Variants in GCNT2 observed in about 807,000 individuals in gnomAD.
GCNT2 encodes glucosaminyl (N-acetyl) transferase 2 (I blood group), also known as N-acetyllactosaminide beta-1,6-N-acetylglucosaminyl-transferase.
Under a neutral mutation model 34.2 loss-of-function variants are expected in GCNT2, and 34 were observed. The ratio of observed to expected loss-of-function variants is 1.00; its 90% CI spans 0.76 to 1.32. GCNT2 has a LOEUF of 1.32. Among genes scored for constraint, GCNT2 ranks in the 40% most tolerant of loss-of-function variants. The pLI is 0.00. For synonymous variants in GCNT2, 212 were observed against 188.0 expected (o/e 1.13, Z -1.04); for missense variants, 584 against 489.4 (o/e 1.19, Z -1.82).
intron 3 of GCNT2, among the ~76,000 whole-genome samples, chr6:10,552,935 C>A (rs887659453): frequency 1.3e-5 from 2 of 152,176 alleles, no homozygotes; most frequent in African/African-American, 4.8e-5. Flanking sequence ...CAGTTTCACC[C>A]CATTTACCTA....
Position 10,628,981 on chromosome 6 carries a change from C to T in GCNT2, c.*2374C>T, listed in dbSNP as rs1218796072. The T allele has an allele frequency of 6.6e-6, 1 of 152,610 alleles. No individual in the cohort carries two copies. Among genetic ancestry groups the T allele is most frequent in the African/African-American group, 2.4e-5 (1 of 41,470 alleles). The allele number at this position is 152,610 out of a possible 1,614,324, so 9.5% of individuals were successfully genotyped here. On this transcript the variant is annotated 3_prime_UTR_variant, in exon 5 of 5. Transcript: ENST00000495262. Reference sequence around the variant, plus strand: ...AGGTTACAGTGAGCTGAGAGTGCCCCACTGCACTCCAGCCTGGGTGACAGA... The same window carrying T: ...AGGTTACAGTGAGCTGAGAGTGCCCTACTGCACTCCAGCCTGGGTGACAGA...
Position 10,604,872 on chromosome 6 carries a change from AG to A in GCNT2, c.926-16478del, listed in dbSNP as rs757989191. Among the ~76,000 whole-genome samples the A allele has an allele frequency of 2.1e-4, 23 of 111,930 alleles. No homozygotes were observed. In the East Asian group the frequency reaches 3.8e-3, roughly 18 times the overall value. The allele number at this position is 111,930 out of a possible 152,430, so 73.4% of individuals were successfully genotyped here. ...AGACCTTGTCTCAAAAAAAAGAAAA[AG>A]AAAAAGAAAGAAAAATGTATTATCT... On this transcript the variant is annotated intron_variant, in intron 3 of 4. Coordinates refer to ENST00000495262, the MANE Select transcript of GCNT2 (RefSeq NM_145649.5).
At chr6:10,596,904 A>T (rs944050619) in intron 3 of GCNT2, among the ~76,000 whole-genome samples, 2 of 152,202 alleles carry the variant, frequency 1.3e-5, no homozygotes, top group African/African-American at 4.8e-5. Context: ...TTAATTTGAG[A>T]TGCCTCAGTT....
intron 3 of GCNT2, among the ~76,000 whole-genome samples, chr6:10,538,427 AAAAAAAAAAAAT>A (rs1761874247): frequency 7.7e-6 from 1 of 129,598 alleles, no homozygotes; most frequent in African/African-American, 3.9e-5. Flanking sequence ...AAAAAAAAAA[AAAAAAAAAAAAT>A]ATATATATAT....
chr6:10,576,610 A>AG (rs1763825450), intron 3 of GCNT2, among the ~76,000 whole-genome samples: 1 of 151,966 alleles, frequency 6.6e-6, no homozygotes, highest in Admixed American at 6.6e-5. Context: ...ACTTAGGGGG[A>AG]GGTAGGAGGA....
chr6:10,544,386 C>T (rs879933677), intron 3 of GCNT2, among the ~76,000 whole-genome samples: 36 of 151,696 alleles, frequency 2.4e-4, no homozygotes, highest in Middle Eastern at 3.4e-3. Context: ...AGGTGGATCA[C>T]GAGGTCAGGA....
chr6:10,542,893 CTTTTTTT>C (rs869251646), intron 3 of GCNT2, among the ~76,000 whole-genome samples: 9 of 82,250 alleles, frequency 1.1e-4, no homozygotes, highest in South Asian at 4.4e-4. Flanking sequence ...TATGTTAATT[CTTTTTTT>C]TTTTTTTTTT....
intron 1 of GCNT2, among the ~76,000 whole-genome samples, chr6:10,523,972 C>CAA (rs774638226): frequency 0.034 from 2,307 of 67,704 alleles, 89 homozygotes; most frequent in African/African-American, 0.072. Flanking sequence ...GACTCTGTCT[C>CAA]AAAAAAAAAA....
At chr6:10,618,866 A>G (rs1377797642) in intron 3 of GCNT2, among the ~76,000 whole-genome samples, 1 of 149,562 alleles carries the variant, frequency 6.7e-6, no homozygotes, top group Non-Finnish European at 1.5e-5. Flanking sequence ...TATTAAATAA[A>G]TTCAAGTTTA....
intron 3 of GCNT2, among the ~76,000 whole-genome samples, chr6:10,588,151 C>G (rs1764438909): frequency 6.6e-6 from 1 of 152,132 alleles, no homozygotes; most frequent in South Asian, 2.1e-4. Context: ...GGCAAGGTGG[C>G]TGGAGACGAG....
intron 3 of GCNT2, among the ~76,000 whole-genome samples, chr6:10,620,010 A>G (rs1765963051): frequency 6.6e-6 from 1 of 152,166 alleles, no homozygotes; most frequent in Non-Finnish European, 1.5e-5. Context: ...GACCCTTGTG[A>G]TTACATTTGG....
At chr6:10,524,837 C>A (rs1761110491) in intron 1 of GCNT2, among the ~76,000 whole-genome samples, 1 of 144,882 alleles carries the variant, frequency 6.9e-6, no homozygotes, top group Non-Finnish European at 1.5e-5. Flanking sequence ...CCCCCACCCC[C>A]CAAAAAAAAG....
intron 3 of GCNT2, among the ~76,000 whole-genome samples, chr6:10,547,530 T>C (rs557951487): frequency 3.9e-5 from 6 of 152,340 alleles, no homozygotes; most frequent in Admixed American, 2.6e-4. Flanking sequence ...GGCAAAGATA[T>C]GGTGGAAATA....
intron 3 of GCNT2, among the ~76,000 whole-genome samples, chr6:10,601,792 T>C (rs1765094377): frequency 6.6e-6 from 1 of 151,770 alleles, no homozygotes. Context: ...AATACAAAAA[T>C]TAGCCGGGCG....
At chr6:10,570,296 A>G (rs982255575) in intron 3 of GCNT2, among the ~76,000 whole-genome samples, 1 of 152,142 alleles carries the variant, frequency 6.6e-6, no homozygotes, top group Non-Finnish European at 1.5e-5. Flanking sequence ...CTTTCCCCAA[A>G]TCCATTTACC....
intron 3 of GCNT2, among the ~76,000 whole-genome samples, chr6:10,612,038 G>A (rs1194843961): frequency 6.6e-6 from 1 of 151,898 alleles, no homozygotes; most frequent in Non-Finnish European, 1.5e-5. Flanking sequence ...CCAGGCTGAA[G>A]TGCAGTGGTG....
intron 3 of GCNT2, chr6:10,581,710 A>G: frequency 2.0e-6 from 2 of 979,282 alleles, no homozygotes; most frequent in Non-Finnish European, 2.4e-6. Context: ...TCCTTATTGT[A>G]GGATCAAGGC....
chr6:10,536,528 G>T (rs921130820), intron 3 of GCNT2, among the ~76,000 whole-genome samples: 1 of 149,882 alleles, frequency 6.7e-6, no homozygotes, highest in Non-Finnish European at 1.5e-5. Context: ...CTAATTTTTT[G>T]TATATTTAGT....
At chr6:10,530,706 A>AT (rs1414137214) in intron 3 of GCNT2, among the ~76,000 whole-genome samples, 8 of 151,704 alleles carry the variant, frequency 5.3e-5, no homozygotes, top group African/African-American at 7.3e-5. Flanking sequence ...CACTGTCTCT[A>AT]TTTTTTTTCA....
Sources: gnomAD v4.1 joint callset for allele counts (sites outside exome capture counted in the v4.1 genomes callset) on GRCh38, gnomAD v4.1.1 for gene constraint, MANE v1.5 for transcripts, NCBI Gene and HGNC (gene_info 2026-07-23, HGNC 2026-07-21) for gene names.